GPCPD1: variants seen among roughly 807,000 people sequenced by gnomAD.
The protein encoded by GPCPD1 is glycerophosphocholine phosphodiesterase 1.
In GPCPD1, 29 loss-of-function variants were observed where a neutral mutation model predicts 89.2. The ratio of observed to expected loss-of-function variants is 0.33; its 90% CI spans 0.24 to 0.44. The LOEUF (loss-of-function observed/expected upper bound fraction) is 0.44. GPCPD1 is among the 20% of genes least tolerant of loss of function. The pLI is 1.00. For synonymous variants in GPCPD1, 258 were observed against 266.3 expected, an observed-to-expected ratio of 0.97 and a Z score of 0.30; for missense variants, 594 against 808.9, an observed-to-expected ratio of 0.73 and a Z score of 3.22.
intron 2 of GPCPD1, among the ~76,000 whole-genome samples, chr20:5,600,298 G>A (rs886877127): frequency 1.5e-4 from 23 of 152,212 alleles, no homozygotes; most frequent in East Asian, 1.2e-3. Flanking sequence ...GCCCATGCCT[G>A]TAATCCCAGC....
intron 1 of GPCPD1, among the ~76,000 whole-genome samples, chr20:5,605,248 ACTTT>A (rs1485878221): frequency 6.6e-6 from 1 of 152,216 alleles, no homozygotes; most frequent in African/African-American, 2.4e-5. Context: ...TTTGCTACAT[ACTTT>A]CTCTTCTGAT....
At position 5,545,325 on chromosome 20, in the gene GPCPD1, TG is replaced by T. The variant is rs1181449249; in HGVS notation, c.*2335del. The stretch of plus-strand genomic sequence containing the variant: ...ATAAAAATGACTATGACAAGGTCCC[TG>T]CCCTTGAAGAGCCTGCAGCCTGGCA... On this transcript the variant is annotated 3_prime_UTR_variant, in exon 20 of 20. Transcript: ENST00000379019. 3 of 152,226 alleles carry T rather than the reference TG, an allele frequency of 2.0e-5. No individual in the cohort carries two copies. Among genetic ancestry groups the T allele is most frequent in the African/African-American group, 7.2e-5 (3 of 41,452 alleles). 9.4% of individuals were successfully genotyped at this position (152,226 alleles called of 1,614,324 possible).
chr20:5,591,653 C>G (rs1979334168), intron 4 of GPCPD1, among the ~76,000 whole-genome samples: 1 of 152,200 alleles, frequency 6.6e-6, no homozygotes, highest in South Asian at 2.1e-4. Flanking sequence ...CACATTACTT[C>G]TATTATTTGA....
intron 1 of GPCPD1, among the ~76,000 whole-genome samples, chr20:5,606,119 A>G (rs927099058): frequency 6.6e-6 from 1 of 152,222 alleles, no homozygotes; most frequent in Non-Finnish European, 1.5e-5. Flanking sequence ...AGTCAAAGGA[A>G]TCTGTTTCCC....
Position 5,558,103 on chromosome 20 carries a change from C to A in GPCPD1, c.1671G>T (p.Gly557=). 2 of 1,566,834 alleles carry A rather than the reference C, an allele frequency of 1.3e-6. No individual in the cohort carries two copies. Among genetic ancestry groups the A allele is most frequent in the Non-Finnish European group, 8.7e-7 (1 of 1,155,226 alleles). The stretch of plus-strand genomic sequence containing the variant: ...GCAAGTCTTCAGTATGTACATTTAT[C>A]CCCTAGAAGAAGAAAAATTAGTTGT... ...MSFAQFENLL[G]INVHTEDLLR... is the part of the protein sequence containing the mutation. Residue 557 remains glycine (G), a splice_region_variant and synonymous_variant, in exon 19 of 20, where the codon GGG becomes GGT. Transcript: ENST00000379019.
chr20:5,557,022 C>T (rs1213472392), intron 19 of GPCPD1, among the ~76,000 whole-genome samples: 1 of 152,344 alleles, frequency 6.6e-6, no homozygotes, highest in Admixed American at 6.5e-5. Context: ...CAAGAAAGTC[C>T]TCACTGAGGT....
intron 17 of GPCPD1, among the ~76,000 whole-genome samples, 176 bp from the exon 18 acceptor site, chr20:5,558,995 G>A (rs1401190462): frequency 1.3e-5 from 2 of 152,160 alleles, no homozygotes; most frequent in African/African-American, 4.8e-5. Context: ...TTGCGGTCAT[G>A]AGTTCAAGAC....
At chr20:5,593,093 A>C (rs571152606) in intron 4 of GPCPD1, among the ~76,000 whole-genome samples, 3 of 152,230 alleles carry the variant, frequency 2.0e-5, no homozygotes, top group Non-Finnish European at 4.4e-5. Flanking sequence ...CATTAAAACC[A>C]ATTTCATAAG....
chr20:5,566,887 A>G, intron 13 of GPCPD1, 115 bp from the exon 14 acceptor site: 1 of 692,778 alleles, frequency 1.4e-6, no homozygotes, highest in East Asian at 2.6e-5. Flanking sequence ...AAAACGTAGA[A>G]CTATCAGTTT....
In GPCPD1 at chr20:5,563,902, G is replaced by A. The variant is rs544937454; in HGVS notation, c.1329+1115C>T. Among the ~76,000 whole-genome samples the A allele has an allele frequency of 3.3e-5, 5 of 152,160 alleles. No homozygotes were observed. In the South Asian group the frequency reaches 1.0e-3, roughly 32 times the overall value. ...AAATCACACACACATTTCCATGCAC[G>A]TGTTAGCAAGTAGCTAATACAGTAG... On this transcript the variant is annotated intron_variant, in intron 15 of 19. Transcript: ENST00000379019.
At chr20:5,560,509 A>T (rs541803241) in intron 16 of GPCPD1, among the ~76,000 whole-genome samples, 4 of 152,350 alleles carry the variant, frequency 2.6e-5, no homozygotes, top group Admixed American at 6.5e-5. Context: ...GGTCTTGGGC[A>T]TATCAAGTAA....
At position 5,608,307 on chromosome 20, in the gene GPCPD1, T is replaced by G. The variant is rs970897430; in HGVS notation, c.-29+2535A>C. Among the ~76,000 whole-genome samples the G allele has an allele frequency of 2.0e-5, 3 of 152,042 alleles. No homozygotes were observed. In the East Asian group the frequency reaches 5.8e-4, roughly 29 times the overall value. ...CTATATACACAAGCACAAAAACACCTCCCAGAAAACCTCTCCAAAAGTCAA... is the reference window on the plus strand; with the variant it reads ...CTATATACACAAGCACAAAAACACCGCCCAGAAAACCTCTCCAAAAGTCAA... On this transcript the variant is annotated intron_variant, in intron 1 of 19. Transcript: ENST00000379019.
chr20:5,610,056 C>T (rs1980853826), intron 1 of GPCPD1, among the ~76,000 whole-genome samples: 1 of 152,178 alleles, frequency 6.6e-6, no homozygotes, highest in Admixed American at 6.6e-5. Flanking sequence ...AGGTCTACAT[C>T]AGACTAACAG....
At chr20:5,585,049 A>G (rs1231794784) in intron 5 of GPCPD1, 3 of 152,224 alleles carry the variant, frequency 2.0e-5, no homozygotes. Flanking sequence ...ACAGCTTTTA[A>G]GTTCAAAAGT....
chr20:5,594,300 T>C (rs1831059332), intron 3 of GPCPD1, among the ~76,000 whole-genome samples: 1 of 150,706 alleles, frequency 6.6e-6, no homozygotes. Flanking sequence ...GGTAACTTTT[T>C]TTTTTTTGAG....
At chr20:5,582,200 A>AAC (rs1336111283) in intron 6 of GPCPD1, among the ~76,000 whole-genome samples, 2 of 139,588 alleles carry the variant, frequency 1.4e-5, no homozygotes, top group East Asian at 2.0e-4. Context: ...AAAAAAAAAA[A>AAC]AAAAAAAAAA....
chr20:5,567,342 C>T, intron 13 of GPCPD1, 141 bp downstream of exon 13: 2 of 1,025,476 alleles, frequency 2.0e-6, no homozygotes, highest in Non-Finnish European at 2.7e-6. Flanking sequence ...TTCTCCCAAA[C>T]AGAACAGAAT....
At chr20:5,604,500 T>C in intron 1 of GPCPD1, 60 bp from the exon 2 acceptor site, 1 of 738,812 alleles carries the variant, frequency 1.4e-6, no homozygotes. Context: ...CTAGCCACCA[T>C]CAAGAAACAA....
Position 5,560,091 on chromosome 20 carries a change from A to C in GPCPD1, c.1396-15T>G, listed in dbSNP as rs1335146002. On this transcript the variant is annotated splice_polypyrimidine_tract_variant and intron_variant, in intron 16 of 19. Transcript: ENST00000379019. ...CACATTCCATCCTAGTGAAAGAGAA[A>C]GCAAAATAAAAGTCACTGCACATCC... is the stretch of plus-strand genomic sequence containing the variant. 6.6e-7 allele frequency: 1 copy of C among 1,510,372 alleles called. No individual in the cohort carries two copies. Among genetic ancestry groups the C allele is most frequent in the Admixed American group, 2.3e-5 (1 of 42,576 alleles). The allele number at this position is 1,510,372 out of a possible 1,614,324, so 93.6% of individuals were successfully genotyped here. A position where few individuals can be genotyped will look rare whatever the true frequency, so the allele number is the denominator to read the frequency against.
Sources: gnomAD v4.1 joint callset for allele counts (sites outside exome capture counted in the v4.1 genomes callset) on GRCh38, gnomAD v4.1.1 for gene constraint, MANE v1.5 for transcripts, NCBI Gene and HGNC (gene_info 2026-07-23, HGNC 2026-07-21) for gene names.